LNX2: variants seen among roughly 807,000 people sequenced by gnomAD.
LNX2 encodes ligand of numb-protein X 2, also known as ligand of Numb protein X 2.
Under a neutral mutation model 66.2 loss-of-function variants are expected in LNX2, and 35 were observed. The ratio of observed to expected loss-of-function variants is 0.53; its 90% CI spans 0.40 to 0.70. LNX2 has a LOEUF of 0.70. Among genes scored for constraint, LNX2 ranks in the 30% least tolerant of loss-of-function variants. LNX2 has a pLI of 0.00. For synonymous variants in LNX2, 337 were observed against 315.6 expected (o/e 1.07, Z -0.72); for missense variants, 791 against 850.8 (o/e 0.93, Z 0.87).
chr13:27,619,627 G>A (rs1955869621), intron 1 of LNX2, among the ~76,000 whole-genome samples: 1 of 152,186 alleles, frequency 6.6e-6, no homozygotes, highest in Non-Finnish European at 1.5e-5. Context: ...CCATGCATAA[G>A]TGTACTTTAG....
Position 27,570,377 on chromosome 13 carries a change from A to G in LNX2, c.408-1101T>C, listed in dbSNP as rs184271070. On this transcript the variant is annotated intron_variant, in intron 2 of 9. Transcript: ENST00000316334. ...ACAGAATTAAATACAATTAAAACTA[A>G]AAGCTATCGCTTAACTATAAAAGTA... Among the ~76,000 whole-genome samples the G allele has an allele frequency of 2.9e-3, 448 of 152,362 alleles. 4 individuals are homozygous for G. Among genetic ancestry groups the G allele is most frequent in the Non-Finnish European group, 3.3e-3 (224 of 68,038 alleles).
At chr13:27,569,621 T>C (rs1190989313) in intron 2 of LNX2, among the ~76,000 whole-genome samples, 1 of 152,216 alleles carries the variant, frequency 6.6e-6, no homozygotes, top group East Asian at 1.9e-4. Flanking sequence ...ATAACCCATT[T>C]ACAGGTTAAA....
chr13:27,569,801 G>A (rs1277312573), intron 2 of LNX2, among the ~76,000 whole-genome samples: 1 of 152,002 alleles, frequency 6.6e-6, no homozygotes, highest in Non-Finnish European at 1.5e-5. Flanking sequence ...GCAAGGCAAA[G>A]GAAAGACCCA....
intron 1 of LNX2, among the ~76,000 whole-genome samples, chr13:27,597,950 C>T (rs2138443014): frequency 6.6e-6 from 1 of 152,072 alleles, no homozygotes; most frequent in Non-Finnish European, 1.5e-5. Context: ...CTGGTATCTC[C>T]AAAAAGCCAA....
chr13:27,574,703 C>T (rs73446852), intron 2 of LNX2, among the ~76,000 whole-genome samples: 3,394 of 152,198 alleles, frequency 0.022, 135 homozygotes, highest in African/African-American at 0.077. Flanking sequence ...ATCTACACAT[C>T]CAAGAAGCTT....
chr13:27,619,045 T>G (rs1955859676), intron 1 of LNX2, among the ~76,000 whole-genome samples: 1 of 152,220 alleles, frequency 6.6e-6, no homozygotes, highest in Admixed American at 6.5e-5. Context: ...AGTAGGTACT[T>G]TATCAGTGGC....
intron 5 of LNX2, among the ~76,000 whole-genome samples, chr13:27,560,565 G>GTGTGTATATATATATATATATATATATA (rs35007288): frequency 1.7e-5 from 2 of 120,014 alleles, no homozygotes; most frequent in African/African-American, 6.7e-5. Context: ...ATGTATGTGT[G>GTGTGTATATATATATATATATATATATA]TATATATATA....
At position 27,556,492 on chromosome 13, in the gene LNX2, A is replaced by C. The variant is rs899161294; in HGVS notation, c.1369-79T>G. The C allele has an allele frequency of 1.5e-5, 17 of 1,134,892 alleles. No homozygotes were observed. The African/African-American group carries it at 2.5e-4, about 17-fold the overall frequency. 70.3% of individuals were successfully genotyped at this position (1,134,892 alleles called of 1,614,324 possible). A position where few individuals can be genotyped will look rare whatever the true frequency, so the allele number is the denominator to read the frequency against. ...AAAGTTATTACTTCAAACTAAGGTA[A>C]TAACTTACATGGCATTTATAAAGTA... On this transcript the variant is annotated intron_variant, in intron 6 of 9. Coordinates refer to ENST00000316334, the MANE Select transcript of LNX2 (RefSeq NM_153371.4).
chr13:27,551,420 T>A (rs1955006286), intron 8 of LNX2, among the ~76,000 whole-genome samples: 1 of 152,076 alleles, frequency 6.6e-6, no homozygotes, highest in South Asian at 2.1e-4. Context: ...GTACTTATGT[T>A]TCCATAGCTC....
At chr13:27,550,564 C>T (rs1954995801) in intron 8 of LNX2, 73 bp from the exon 9 acceptor site, 1 of 1,109,344 alleles carries the variant, frequency 9.0e-7, no homozygotes, top group African/African-American at 1.6e-5. Flanking sequence ...TGTTATAACC[C>T]CATACCATGT....
intron 1 of LNX2, among the ~76,000 whole-genome samples, chr13:27,605,978 A>G (rs1349912096): frequency 1.3e-5 from 2 of 152,032 alleles, no homozygotes; most frequent in Non-Finnish European, 2.9e-5. Context: ...CCTCTCCCAC[A>G]CCCCTTTTCA....
At chr13:27,619,848 C>T (rs1453036797) in intron 1 of LNX2, among the ~76,000 whole-genome samples, 1 of 152,216 alleles carries the variant, frequency 6.6e-6, no homozygotes, top group East Asian at 1.9e-4. Flanking sequence ...TCAAATCTCT[C>T]TCCCACCCTC....
At chr13:27,552,666 C>T (rs544035117) in intron 8 of LNX2, among the ~76,000 whole-genome samples, 8 of 152,330 alleles carry the variant, frequency 5.3e-5, no homozygotes, top group African/African-American at 1.9e-4. Context: ...CACTGACCAA[C>T]CACAGCATAT....
chr13:27,548,763 T>C (rs1158205015), intron 9 of LNX2, among the ~76,000 whole-genome samples: 1 of 152,164 alleles, frequency 6.6e-6, no homozygotes, highest in Non-Finnish European at 1.5e-5. Flanking sequence ...GCTCTCTCTT[T>C]AAAAAAATAC....
rs1955243545 is a variant in LNX2, at chr13:27,569,094, A to G, written c.590T>C (p.Leu197Pro). The change falls in exon 3 of 10, where the codon CTT becomes CCT. Residue 197 changes from leucine (L) to proline (P), a missense_variant. Transcript: ENST00000316334. Reference protein sequence around the residue: ...PVERHLTSASLSTWSEEPGLD... With the variant: ...PVERHLTSASPSTWSEEPGLD... ...GCCAGGCTCCTCACTCCATGTGGAA[A>G]GAGACGCTGATGTCAAGTGCCGCTC... 6.2e-7 allele frequency: 1 copy of G among 1,613,366 alleles called. No homozygotes were observed. The highest frequency in any genetic ancestry group is 1.1e-5 in the South Asian group (1 of 90,990).
chr13:27,582,464 T>G (rs1223189874), intron 1 of LNX2, among the ~76,000 whole-genome samples: 2 of 152,220 alleles, frequency 1.3e-5, no homozygotes, highest in Admixed American at 6.5e-5. Context: ...CAATGGTAGT[T>G]TTAAAGCCAA....
chr13:27,559,716 AT>A (rs754409075), intron 6 of LNX2, 125 bp downstream of exon 6: 8 of 887,526 alleles, frequency 9.0e-6, no homozygotes, highest in Non-Finnish European at 1.1e-5. Context: ...CCTCATTTGA[AT>A]CTTTTTTTTA....
intron 3 of LNX2, among the ~76,000 whole-genome samples, chr13:27,568,081 C>T (rs906337041): frequency 1.3e-5 from 2 of 152,214 alleles, no homozygotes; most frequent in South Asian, 2.1e-4. Flanking sequence ...TCACTAGGGA[C>T]GACACAGTGA....
At chr13:27,603,818 T>G (rs560543925) in intron 1 of LNX2, among the ~76,000 whole-genome samples, 35 of 152,196 alleles carry the variant, frequency 2.3e-4, no homozygotes, top group Non-Finnish European at 4.1e-4. Context: ...AAACTTCAAA[T>G]TGGTGAAAAA....
Sources: gnomAD v4.1 joint callset for allele counts (sites outside exome capture counted in the v4.1 genomes callset) on GRCh38, gnomAD v4.1.1 for gene constraint, MANE v1.5 for transcripts, NCBI Gene and HGNC (gene_info 2026-07-23, HGNC 2026-07-21) for gene names.